MDGA2: variants seen among roughly 807,000 people sequenced by gnomAD.
The protein encoded by MDGA2 is MAM domain-containing glycosylphosphatidylinositol anchor protein 2.
A neutral mutation model predicts 117.8 loss-of-function variants in MDGA2; 40 were observed. The ratio of observed to expected loss-of-function variants is 0.34; its 90% CI spans 0.26 to 0.44. The LOEUF (loss-of-function observed/expected upper bound fraction) is 0.44, where lower values mean the gene tolerates loss of function less well. MDGA2 is among the 20% of genes least tolerant of loss of function. The pLI is 1.00. For missense variants in MDGA2, 1,123 were observed against 1,250.6 expected, an observed-to-expected ratio of 0.90 and a Z score of 1.54; for synonymous variants, 452 against 439.0, an observed-to-expected ratio of 1.03 and a Z score of -0.37.
intron 1 of MDGA2, among the ~76,000 whole-genome samples, chr14:47,474,591 C>T (rs1184598413): frequency 6.6e-6 from 1 of 152,270 alleles, no homozygotes; most frequent in South Asian, 2.1e-4. Flanking sequence ...AACTATACTA[C>T]AATGCTACAG....
intron 15 of MDGA2, 150 bp from the exon 16 acceptor site, chr14:46,846,021 A>G (rs1594990346): frequency 1.6e-6 from 1 of 631,904 alleles, no homozygotes; most frequent in East Asian, 2.8e-5. Context: ...TGCAGAAAAC[A>G]TAAACTTTCA....
intron 8 of MDGA2, among the ~76,000 whole-genome samples, chr14:46,970,791 A>G (rs1161650861): frequency 1.3e-5 from 2 of 152,188 alleles, no homozygotes; most frequent in African/African-American, 2.4e-5. Context: ...CAAACTATTA[A>G]TCTGACAAAG....
In MDGA2 at chr14:47,049,359, A is replaced by C. The variant is rs141690325; in HGVS notation, c.1525+11890T>G. Among the ~76,000 whole-genome samples the C allele has an allele frequency of 5.3e-4, 81 of 152,152 alleles. 1 individual carries two copies. The Middle Eastern group carries it at 0.02, about 38-fold the overall frequency. On this transcript the variant is annotated intron_variant, in intron 7 of 16. Transcript: ENST00000399232. ...AAATCTGTAGGTTTTCAAGTCCCTT[A>C]TATAAAATGGCATAGTATTTGCATA...
intron 2 of MDGA2, among the ~76,000 whole-genome samples, chr14:47,289,335 A>ACACACACACACACG (rs1566722099): frequency 2.8e-5 from 4 of 144,346 alleles, no homozygotes; most frequent in Non-Finnish European, 6.2e-5. Flanking sequence ...ACACACACAC[A>ACACACACACACACG]CACGCACACA....
At chr14:47,062,679 C>T (rs1889933998) in intron 6 of MDGA2, among the ~76,000 whole-genome samples, 1 of 151,842 alleles carries the variant, frequency 6.6e-6, no homozygotes, top group Non-Finnish European at 1.5e-5. Context: ...ATTTAGAGGA[C>T]CTACAGACAC....
chr14:47,261,760 T>C (rs1887804030), intron 2 of MDGA2, among the ~76,000 whole-genome samples: 3 of 152,158 alleles, frequency 2.0e-5, no homozygotes, highest in African/African-American at 7.2e-5. Flanking sequence ...AGCTAACCTC[T>C]TTCCTTAAAT....
At chr14:47,610,576 A>AAC (rs1555336144) in intron 1 of MDGA2, among the ~76,000 whole-genome samples, 3 of 151,524 alleles carry the variant, frequency 2.0e-5, no homozygotes, top group Non-Finnish European at 2.9e-5. Context: ...AAAAACAAAC[A>AAC]AACAACAACA....
chr14:46,916,776 A>C (rs543544801), intron 10 of MDGA2, among the ~76,000 whole-genome samples: 1 of 152,246 alleles, frequency 6.6e-6, no homozygotes, highest in South Asian at 2.1e-4. Context: ...TGAAAGATAC[A>C]TCAAAGTTTT....
At chr14:47,331,863 CT>C (rs1383789391) in intron 1 of MDGA2, among the ~76,000 whole-genome samples, 2 of 151,814 alleles carry the variant, frequency 1.3e-5, no homozygotes, top group Non-Finnish European at 2.9e-5. Context: ...AAAAACAGTC[CT>C]TTTCGATAAT....
intron 1 of MDGA2, among the ~76,000 whole-genome samples, chr14:47,652,590 G>A (rs1897665302): frequency 6.6e-6 from 1 of 152,120 alleles, no homozygotes; most frequent in African/African-American, 2.4e-5. Context: ...AGCTTATAAA[G>A]ATGATATTAA....
At position 47,131,851 on chromosome 14, in the gene MDGA2, A is replaced by C; in HGVS notation, c.793-5T>G. The C allele has an allele frequency of 6.4e-7, 1 of 1,553,936 alleles. No individual in the cohort carries two copies. Among genetic ancestry groups the C allele is most frequent in the Non-Finnish European group, 8.8e-7 (1 of 1,139,196 alleles). ...TTTTAAGATCTTTGTTTCACCCTGA[A>C]AATGTACACAAAAAATAAAAGTCAT... On this transcript the variant is annotated splice_polypyrimidine_tract_variant and splice_region_variant and intron_variant, in intron 4 of 16. Transcript: ENST00000399232.
At chr14:47,321,720 G>A (rs1197195203) in intron 1 of MDGA2, among the ~76,000 whole-genome samples, 1 of 152,270 alleles carries the variant, frequency 6.6e-6, no homozygotes, top group Non-Finnish European at 1.5e-5. Context: ...AGTTAAAGAC[G>A]CTTACAAACC....
chr14:47,434,757 C>T (rs1355825251), intron 1 of MDGA2, among the ~76,000 whole-genome samples: 1 of 152,118 alleles, frequency 6.6e-6, no homozygotes, highest in East Asian at 1.9e-4. Flanking sequence ...TTACAATCAA[C>T]ATTTAAGTGT....
At chr14:47,525,996 G>C (rs934333864) in intron 1 of MDGA2, among the ~76,000 whole-genome samples, 1 of 151,788 alleles carries the variant, frequency 6.6e-6, no homozygotes, top group South Asian at 2.1e-4. Flanking sequence ...CTTTAATCTG[G>C]ATATTTCTAG....
At chr14:47,198,989 A>C (rs935318499) in intron 3 of MDGA2, among the ~76,000 whole-genome samples, 2 of 152,142 alleles carry the variant, frequency 1.3e-5, no homozygotes, top group Middle Eastern at 3.2e-3. Flanking sequence ...TCCAGAAAAG[A>C]AGGAATTCTC....
At chr14:47,612,822 T>C (rs1896877110) in intron 1 of MDGA2, among the ~76,000 whole-genome samples, 1 of 152,168 alleles carries the variant, frequency 6.6e-6, no homozygotes, top group Non-Finnish European at 1.5e-5. Flanking sequence ...AAAATTCATA[T>C]CTATTTTAAA....
At chr14:47,351,896 A>G (rs2138349724) in intron 1 of MDGA2, among the ~76,000 whole-genome samples, 1 of 106,328 alleles carries the variant, frequency 9.4e-6, no homozygotes, top group South Asian at 3.5e-4. Context: ...TATGCTCTCT[A>G]AATTAAACAC....
chr14:47,022,050 A>G (rs1888304831), intron 8 of MDGA2, among the ~76,000 whole-genome samples: 1 of 152,234 alleles, frequency 6.6e-6, no homozygotes, highest in Non-Finnish European at 1.5e-5. Flanking sequence ...ACTGAAAAAT[A>G]TAATCTAAAT....
chr14:47,621,748 C>T (rs1594948079), intron 1 of MDGA2, among the ~76,000 whole-genome samples: 1 of 152,308 alleles, frequency 6.6e-6, no homozygotes, highest in South Asian at 2.1e-4. Context: ...AGGACTAAGA[C>T]ATATCTTGAG....
Sources: allele counts gnomAD v4.1 joint callset (sites outside exome capture counted in the v4.1 genomes callset), GRCh38; gene constraint gnomAD v4.1.1; transcripts MANE v1.5; gene names NCBI Gene and HGNC (gene_info 2026-07-23, HGNC 2026-07-21).